The following MOSMO variants were observed in gnomAD, a reference collection of about 807,000 sequenced individuals.
MOSMO encodes modulator of smoothened.
A neutral mutation model predicts 18.4 loss-of-function variants in MOSMO; 5 were observed. The ratio of observed to expected loss-of-function variants is 0.27; its 90% CI spans 0.14 to 0.57. The LOEUF is 0.57. Ranked by LOEUF, MOSMO falls within the 20% of genes least tolerant of loss-of-function variation. MOSMO has a pLI of 0.92. For synonymous variants in MOSMO, 82 were observed against 82.3 expected, an observed-to-expected ratio of 1.00 and a Z score of 0.02; for missense variants, 138 against 211.8, an observed-to-expected ratio of 0.65 and a Z score of 2.16.
downstream of MOSMO, among the ~76,000 whole-genome samples, chr16:22,089,319 C>T (rs1235682008): frequency 2.0e-5 from 3 of 152,092 alleles, no homozygotes; most frequent in Non-Finnish European, 2.9e-5. Context: ...CCTCCAGCCT[C>T]GACCTCCAAA....
intron 1 of MOSMO, among the ~76,000 whole-genome samples, chr16:22,070,474 A>G (rs968035782): frequency 6.6e-6 from 1 of 151,852 alleles, no homozygotes; most frequent in Admixed American, 6.6e-5. Context: ...GCAAGAGGAA[A>G]GTGAGAGACT....
intron 1 of MOSMO, among the ~76,000 whole-genome samples, chr16:22,030,416 T>A (rs1390000487): frequency 6.6e-6 from 1 of 152,240 alleles, no homozygotes; most frequent in Non-Finnish European, 1.5e-5. Flanking sequence ...TCACTATTTT[T>A]CCTTTTGCAA....
At chr16:22,066,015 G>C (rs982040739) in intron 1 of MOSMO, among the ~76,000 whole-genome samples, 1 of 152,182 alleles carries the variant, frequency 6.6e-6, no homozygotes, top group East Asian at 1.9e-4. Flanking sequence ...AGCAAACTTT[G>C]TGGCAGTTTC....
chr16:22,079,315 T>G (rs1901033951), intron 2 of MOSMO, among the ~76,000 whole-genome samples: 1 of 152,228 alleles, frequency 6.6e-6, no homozygotes, highest in Non-Finnish European at 1.5e-5. Context: ...CAGTGCCTAG[T>G]AATCTGTCCT....
chr16:22,080,800 T>C lies in MOSMO; in HGVS notation c.424T>C (p.Ser142Pro). The stretch of plus-strand genomic sequence containing the variant: ...ACCCAACAACACAGTAGTTGGGTCA[T>C]CATATGTACTTTTTGTCTTATCAAT... ...KLPNNTVVGS[S>P]YVLFVLSIFF... The change falls in exon 3 of 3, where the codon TCA (serine) becomes CCA (proline). Residue 142 changes from serine to proline, a missense_variant. Transcript: ENST00000542527. 6.7e-7 allele frequency: 1 copy of C among 1,486,334 alleles called. No homozygotes were observed. The highest frequency in any genetic ancestry group is 8.9e-7 in the Non-Finnish European group (1 of 1,125,016). 92.1% of individuals were successfully genotyped at this position (1,486,334 alleles called of 1,614,324 possible). A position where few individuals can be genotyped will look rare whatever the true frequency, so the allele number is the denominator to read the frequency against.
At chr16:22,009,682 C>T (rs1899477113) in intron 1 of MOSMO, among the ~76,000 whole-genome samples, 1 of 151,562 alleles carries the variant, frequency 6.6e-6, no homozygotes, top group East Asian at 1.9e-4. Flanking sequence ...AAAATGCGGC[C>T]GGGCGCGGTG....
At position 22,074,265 on chromosome 16, in the gene MOSMO, G is replaced by T. The variant is rs1186832023; in HGVS notation, c.107-1222G>T. Among the ~76,000 whole-genome samples the T allele has an allele frequency of 3.3e-5, 5 of 151,804 alleles. No homozygotes were observed. The East Asian group carries it at 7.7e-4, about 23-fold the overall frequency. ...AGGTCAATGTCTTTTTTATTTTTGT[G>T]TTCATATTGAGAAAATAATGCTGGC... is the stretch of plus-strand genomic sequence containing the variant. On this transcript the variant is annotated intron_variant, in intron 1 of 2. Transcript: ENST00000542527.
At chr16:22,055,913 C>T (rs746663350) in intron 1 of MOSMO, among the ~76,000 whole-genome samples, 24 of 152,186 alleles carry the variant, frequency 1.6e-4, no homozygotes, top group Non-Finnish European at 2.9e-4. Context: ...TTATGCCTCT[C>T]TTATATGCCT....
Position 22,008,745 on chromosome 16 carries a change from T to TA in MOSMO, c.106+356dup, listed in dbSNP as rs71151659. Among the ~76,000 whole-genome samples the TA allele has an allele frequency of 1.1e-3, 149 of 132,154 alleles. No homozygotes were observed. In the East Asian group the frequency reaches 0.025, roughly 22 times the overall value. The allele number at this position is 132,154 out of a possible 152,430, so 86.7% of individuals were successfully genotyped here. A position where few individuals can be genotyped will look rare whatever the true frequency, so the allele number is the denominator to read the frequency against. On this transcript the variant is annotated intron_variant, in intron 1 of 2. Transcript: ENST00000542527. The stretch of plus-strand genomic sequence containing the variant: ...CAGAGGAATGAGCTTCGTTCTGGAT[T>TA]AAAAAAAAAAAAAAAAAAGTCAAGG...
In MOSMO at chr16:22,009,180, G is replaced by A. The variant is rs1015895298; in HGVS notation, c.106+773G>A. ...TAATTCTGCTTTATTTTAGGCCCGGGAGCTATAATACTACTAATAATAAAC... is the reference window on the plus strand; with the variant it reads ...TAATTCTGCTTTATTTTAGGCCCGGAAGCTATAATACTACTAATAATAAAC... On this transcript the variant is annotated intron_variant, in intron 1 of 2. Coordinates refer to ENST00000542527, the MANE Select transcript of MOSMO (RefSeq NM_001164579.2). Among the ~76,000 whole-genome samples the A allele has an allele frequency of 2.0e-5, 3 of 152,192 alleles. 1 individual carries two copies. The highest frequency in any genetic ancestry group is 7.2e-5 in the African/African-American group (3 of 41,442).
chr16:22,077,139 A>T (rs1186858247), intron 2 of MOSMO, among the ~76,000 whole-genome samples: 1 of 152,248 alleles, frequency 6.6e-6, no homozygotes, highest in Non-Finnish European at 1.5e-5. Flanking sequence ...ATAATATCAA[A>T]GAAGGATTTA....
At chr16:22,014,484 C>G (rs1287682717) in intron 1 of MOSMO, among the ~76,000 whole-genome samples, 1 of 152,104 alleles carries the variant, frequency 6.6e-6, no homozygotes, top group Admixed American at 6.6e-5. Context: ...TACCTCCTAC[C>G]TACTTCATAG....
chr16:22,035,396 ATTTTTT>A (rs1160059034), intron 1 of MOSMO, among the ~76,000 whole-genome samples: 1 of 133,348 alleles, frequency 7.5e-6, no homozygotes, highest in Non-Finnish European at 1.6e-5. Flanking sequence ...GCAGGAGGGG[ATTTTTT>A]TTTTTTTTTT....
rs1288769733 is a variant in MOSMO at position 22,083,676 on chromosome 16, AGT to A, written c.*2802_*2803del. 1 of 454,064 alleles carries A rather than the reference AGT, an allele frequency of 2.2e-6. No individual in the cohort carries two copies. Among genetic ancestry groups the A allele is most frequent in the Non-Finnish European group, 4.4e-6 (1 of 226,266 alleles). 28.1% of individuals were successfully genotyped at this position (454,064 alleles called of 1,614,324 possible). On this transcript the variant is annotated 3_prime_UTR_variant, in exon 3 of 3. Transcript: ENST00000542527. Reference sequence around the variant, plus strand: ...CTTTTGTCTGTTTCATTGTTTTTAGAGTGTGTGCATTCTTCTCATACCTAAGA... The same window carrying A: ...CTTTTGTCTGTTTCATTGTTTTTAGAGTGTGCATTCTTCTCATACCTAAGA...
At chr16:22,038,043 C>A (rs1900140948) in intron 1 of MOSMO, among the ~76,000 whole-genome samples, 3 of 152,182 alleles carry the variant, frequency 2.0e-5, no homozygotes, top group Admixed American at 6.5e-5. Context: ...CATGACCAGC[C>A]CCCATCCTGA....
intron 1 of MOSMO, among the ~76,000 whole-genome samples, chr16:22,033,950 C>A (rs1900050011): frequency 6.6e-6 from 1 of 152,030 alleles, no homozygotes; most frequent in Non-Finnish European, 1.5e-5. Context: ...AATATGGCAC[C>A]AAATGTGAAA....
chr16:22,089,317 C>T (rs1485329954), downstream of MOSMO, among the ~76,000 whole-genome samples: 1 of 152,138 alleles, frequency 6.6e-6, no homozygotes, highest in Non-Finnish European at 1.5e-5. Context: ...GTCCTCCAGC[C>T]TCGACCTCCA....
At chr16:22,092,059 C>T (rs1353643827), downstream of MOSMO, 2 of 152,350 alleles carry the variant, frequency 1.3e-5, no homozygotes, top group Non-Finnish European at 2.9e-5. Flanking sequence ...CAGATGATCT[C>T]TTCTGATGCG....
At chr16:22,028,480 AC>A (rs1453065747) in intron 1 of MOSMO, among the ~76,000 whole-genome samples, 1 of 151,864 alleles carries the variant, frequency 6.6e-6, no homozygotes. Flanking sequence ...TACCACCGTC[AC>A]CCCGATCCAT....
Sources: allele counts gnomAD v4.1 joint callset (sites outside exome capture counted in the v4.1 genomes callset), GRCh38; gene constraint gnomAD v4.1.1; transcripts MANE v1.5; gene names NCBI Gene and HGNC (gene_info 2026-07-23, HGNC 2026-07-21).